SLC22A25: variants seen among roughly 807,000 people sequenced by gnomAD.
SLC22A25 encodes solute carrier family 22 member 25, also known as MGI:2442751, MGI:2385316, MGI:3042283, MGI:3645714, MGI:3605624, MGI:2442750.
SLC22A25 carries 44 observed loss-of-function variants against 45.9 expected under a neutral mutation model. That is an observed-to-expected ratio of 0.96 (90% CI 0.75 to 1.23). SLC22A25 has a LOEUF of 1.23. Ranked by LOEUF, SLC22A25 falls within the 50% of genes most tolerant of loss-of-function variation. The pLI, the probability that SLC22A25 is intolerant of heterozygous loss-of-function variation, is 0.00. For missense variants in SLC22A25, 800 were observed against 666.4 expected (o/e 1.20, Z -2.21); for synonymous variants, 283 against 238.6 (o/e 1.19, Z -1.72).
chr11:63,163,845 A>G lies in SLC22A25; in HGVS notation c.1623T>C (p.Pro541=), dbSNP rs753057186. 8 of 1,613,432 alleles carry G rather than the reference A, an allele frequency of 5.0e-6. No individual in the cohort carries two copies. The highest frequency in any genetic ancestry group is 6.8e-6 in the Non-Finnish European group (8 of 1,179,724). ...ENEGVNSLAA[P]QRSSVL ...AGACCTATAGCACAGAGCTCCTCTG[A>G]GGGGCAGCTAGGCTATTTACTCCCT... The change falls in exon 12 of 12, where the codon CCT becomes CCC. Residue 541 remains proline (P), a synonymous_variant. Coordinates refer to ENST00000306494, the MANE Select transcript of SLC22A25 (RefSeq NM_199352.6).
intron 7 of SLC22A25, among the ~76,000 whole-genome samples, chr11:63,213,058 A>G (rs972183979): frequency 6.6e-6 from 1 of 152,166 alleles, no homozygotes; most frequent in African/African-American, 2.4e-5. Flanking sequence ...TGGTATCCCA[A>G]GGCCAGCCCA....
At chr11:63,225,635 T>G (rs942879659) in intron 5 of SLC22A25, among the ~76,000 whole-genome samples, 2 of 152,214 alleles carry the variant, frequency 1.3e-5, no homozygotes, top group Admixed American at 6.5e-5. Context: ...CTGCTTGATA[T>G]CCTATGATTT....
chr11:63,180,803 G>C, intron 8 of SLC22A25, 28 bp from the exon 9 acceptor site: 2 of 1,541,776 alleles, frequency 1.3e-6, no homozygotes, highest in East Asian at 2.3e-5. Flanking sequence ...GCAATAAACT[G>C]TTCAGTTGTC....
chr11:63,186,074 G>A (rs1316874738), intron 7 of SLC22A25, among the ~76,000 whole-genome samples: 9 of 151,020 alleles, frequency 6.0e-5, no homozygotes, highest in Non-Finnish European at 1.2e-4. Context: ...TGGGATGGCT[G>A]GGTCAAATGG....
At position 63,190,686 on chromosome 11, in the gene SLC22A25, C is replaced by T. The variant is rs142436322; in HGVS notation, c.831-6869G>A. Among the ~76,000 whole-genome samples, 1,334 of 152,060 alleles carry T rather than the reference C, an allele frequency of 8.8e-3. 6 individuals carry two copies. Among genetic ancestry groups the T allele is most frequent in the African/African-American group, 0.018 (764 of 41,480 alleles). On this transcript the variant is annotated intron_variant, in intron 7 of 11. Coordinates refer to ENST00000306494, the MANE Select transcript of SLC22A25 (RefSeq NM_199352.6). Reference sequence around the variant, plus strand: ...TCCCCATCTCTGTGGTTTTATCTACCTTTGCTCTTTGATGATGGTGACTTA... The same window carrying T: ...TCCCCATCTCTGTGGTTTTATCTACTTTTGCTCTTTGATGATGGTGACTTA...
Position 63,210,959 on chromosome 11 carries a change from C to T in SLC22A25, c.830+6355G>A, listed in dbSNP as rs117140361. On this transcript the variant is annotated intron_variant, in intron 7 of 11. Transcript: ENST00000306494. ...CCTTTATACCTAAAGGGAATATGAC[C>T]CTGGAGATAGAGGTGCTAAAGGCAA... Among the ~76,000 whole-genome samples the T allele has an allele frequency of 1.1e-4, 17 of 152,198 alleles. 1 individual carries two copies. The East Asian group carries it at 3.3e-3, about 29-fold the overall frequency.
intron 9 of SLC22A25, among the ~76,000 whole-genome samples, chr11:63,175,812 G>A (rs2088064581): frequency 6.6e-6 from 1 of 150,596 alleles, no homozygotes; most frequent in Non-Finnish European, 1.5e-5. Flanking sequence ...ATTTAATAAA[G>A]AAAATTGGGT....
At position 63,162,939 on chromosome 11, in the gene SLC22A25, T is replaced by C. The variant is rs1180047543; in HGVS notation, c.*885A>G. 6.6e-6 allele frequency among the ~76,000 whole-genome samples: 1 copy of C among 152,228 alleles called. No individual in the cohort carries two copies. The highest frequency in any genetic ancestry group is 2.1e-4 in the South Asian group (1 of 4,826). On this transcript the variant is annotated 3_prime_UTR_variant, in exon 12 of 12. Coordinates refer to ENST00000306494, the MANE Select transcript of SLC22A25 (RefSeq NM_199352.6). ...TGTCACTTTGCTGCAGGTATCTTCC[T>C]GCCCTGCTTTTCTGGAGCATCTTCT...
chr11:63,202,659 C>T (rs561152683), intron 7 of SLC22A25, among the ~76,000 whole-genome samples: 453 of 152,296 alleles, frequency 3.0e-3, no homozygotes, highest in Non-Finnish European at 5.0e-3. Flanking sequence ...GCCCCAGTCA[C>T]GGGCTTATAG....
rs542977794 is a variant in SLC22A25 at position 63,235,768 on chromosome 11, G to A, written c.-445+2113C>T. Among the ~76,000 whole-genome samples, 111 of 152,208 alleles carry A rather than the reference G, an allele frequency of 7.3e-4. 2 individuals are homozygous for A. Among genetic ancestry groups the A allele is most frequent in the Non-Finnish European group, 2.2e-4 (15 of 68,000 alleles). ...TCTGCTCTGTTTTTTCCCCATCTTT[G>A]TGGTTTTATCTACTTTTGGTCTTTG... On this transcript the variant is annotated intron_variant, in intron 3 of 11. Transcript: ENST00000306494.
intron 5 of SLC22A25, chr11:63,219,962 G>A (rs1242392677): frequency 4.7e-6 from 6 of 1,289,100 alleles, no homozygotes; most frequent in Non-Finnish European, 6.1e-6. Flanking sequence ...GATGGCAATG[G>A]GCACCTCAAG....
intron 9 of SLC22A25, chr11:63,168,143 C>G (rs1368317875): frequency 6.4e-6 from 1 of 156,392 alleles, no homozygotes; most frequent in Non-Finnish European, 1.4e-5. Context: ...AGGATGCCCC[C>G]ACAAAAACCC....
chr11:63,202,149 G>A (rs927998927), intron 7 of SLC22A25, among the ~76,000 whole-genome samples: 7 of 152,098 alleles, frequency 4.6e-5, no homozygotes, highest in South Asian at 2.1e-4. Flanking sequence ...TTCACAGCCC[G>A]CAGACCAGGA....
Position 63,166,245 on chromosome 11 carries a change from T to C in SLC22A25, c.1084A>G (p.Ile362Val). 2 of 1,613,904 alleles carry C rather than the reference T, an allele frequency of 1.2e-6. No individual in the cohort carries two copies. Among genetic ancestry groups the C allele is most frequent in the Non-Finnish European group, 1.7e-6 (2 of 1,179,900 alleles). Residue 362 changes from isoleucine (I) to valine (V), a missense_variant, in exon 10 of 12, where the codon ATC becomes GTC. Coordinates refer to ENST00000306494, the MANE Select transcript of SLC22A25 (RefSeq NM_199352.6). ...TGCAAAGTAAGGCCCCAAAAAGGGA[T>C]GGTACTTGCAAATCTGCAGGGAACA... ...FLSFVRFAST[I>V]PFWGLTLHLQ...
chr11:63,216,202 T>A (rs1166405158), intron 7 of SLC22A25, among the ~76,000 whole-genome samples: 1 of 152,210 alleles, frequency 6.6e-6, no homozygotes, highest in African/African-American at 2.4e-5. Context: ...GAATGGCTAT[T>A]AATAACAAGT....
At chr11:63,179,627 T>C (rs1404748406) in intron 9 of SLC22A25, among the ~76,000 whole-genome samples, 2 of 152,138 alleles carry the variant, frequency 1.3e-5, no homozygotes, top group Non-Finnish European at 2.9e-5. Flanking sequence ...TTCTCAGTAG[T>C]TCTGAGGCAT....
intron 7 of SLC22A25, among the ~76,000 whole-genome samples, chr11:63,197,133 A>G (rs2089067215): frequency 6.6e-6 from 1 of 152,242 alleles, no homozygotes; most frequent in Non-Finnish European, 1.5e-5. Flanking sequence ...ACACCATTCC[A>G]TGCTTCTGGA....
intron 5 of SLC22A25, among the ~76,000 whole-genome samples, 153 bp downstream of exon 5, chr11:63,228,308 A>G (rs2090001963): frequency 6.6e-6 from 1 of 152,208 alleles, no homozygotes; most frequent in African/African-American, 2.4e-5. Flanking sequence ...AGCACTCACC[A>G]CACTCACCAT....
At chr11:63,192,482 G>A (rs993675960) in intron 7 of SLC22A25, among the ~76,000 whole-genome samples, 6 of 152,104 alleles carry the variant, frequency 3.9e-5, no homozygotes, top group African/African-American at 7.2e-5. Flanking sequence ...AAATCCACAC[G>A]TATCAATACT....
Sources: gnomAD v4.1 joint callset for allele counts (sites outside exome capture counted in the v4.1 genomes callset) on GRCh38, gnomAD v4.1.1 for gene constraint, MANE v1.5 for transcripts, NCBI Gene and HGNC (gene_info 2026-07-23, HGNC 2026-07-21) for gene names.